Variants in EMC3 observed in about 807,000 individuals in gnomAD.
EMC3 encodes the protein 30 kDa protein.
Under a neutral mutation model 36.6 loss-of-function variants are expected in EMC3, and 13 were observed. The observed-to-expected ratio is 0.35, with a 90% CI of 0.23 to 0.56. The LOEUF (loss-of-function observed/expected upper bound fraction) is 0.56. Among genes scored for constraint, EMC3 ranks in the 20% least tolerant of loss-of-function variants. The pLI is 0.84. For synonymous variants in EMC3, 120 were observed against 111.9 expected (o/e 1.07, Z -0.46); for missense variants, 220 against 324.5 (o/e 0.68, Z 2.47).
At chr3:9,964,559 G>A (rs1402079412) in intron 7 of EMC3, among the ~76,000 whole-genome samples, 1 of 152,240 alleles carries the variant, frequency 6.6e-6, no homozygotes, top group African/African-American at 2.4e-5. Flanking sequence ...CAGTACTCTT[G>A]AGAGATGTAC....
chr3:9,969,472 A>C, intron 7 of EMC3: 2 of 1,383,818 alleles, frequency 1.4e-6, no homozygotes, highest in Non-Finnish European at 1.9e-6. Flanking sequence ...ATTATTTTAC[A>C]GCATCATTGA....
At chr3:9,980,916 C>T (rs2085904460) in intron 1 of EMC3, among the ~76,000 whole-genome samples, 1 of 152,166 alleles carries the variant, frequency 6.6e-6, no homozygotes, top group African/African-American at 2.4e-5. Flanking sequence ...TGTTCACAGC[C>T]AGGCGTGGTG....
Position 9,963,986 on chromosome 3 carries a change from T to C in EMC3, c.*83A>G. On this transcript the variant is annotated 3_prime_UTR_variant, in exon 8 of 8. Coordinates refer to ENST00000245046, the MANE Select transcript of EMC3 (RefSeq NM_001394674.1). ...GCCAGCTCGTGCATCCTCCTTTTTA[T>C]TTCAAGAGGTGCCAGCTCCAAACAA... The C allele has an allele frequency of 6.4e-7, 1 of 1,568,296 alleles. No homozygotes were observed. The highest frequency in any genetic ancestry group is 2.2e-5 in the East Asian group (1 of 44,484).
chr3:9,971,117 C>G (rs1030607065), intron 5 of EMC3, among the ~76,000 whole-genome samples: 4 of 152,012 alleles, frequency 2.6e-5, no homozygotes, highest in Admixed American at 1.3e-4. Context: ...GAGATGGGGT[C>G]TCACCATGTT....
At chr3:9,975,420 C>T (rs1489831235) in intron 3 of EMC3, among the ~76,000 whole-genome samples, 2 of 151,980 alleles carry the variant, frequency 1.3e-5, no homozygotes, top group South Asian at 2.1e-4. Context: ...TTGCCACTCC[C>T]GCCAATGGTG....
chr3:9,975,541 G>A (rs1422031015), intron 3 of EMC3, among the ~76,000 whole-genome samples: 19 of 151,536 alleles, frequency 1.3e-4, no homozygotes, highest in East Asian at 1.9e-4. Context: ...GGCCAGGCAC[G>A]GTGGCTCACA....
At chr3:10,011,012 G>C (rs909072307) in intron 1 of EMC3, 1 of 152,442 alleles carries the variant, frequency 6.6e-6, no homozygotes, top group South Asian at 2.1e-4. Flanking sequence ...GCTGCGGGGG[G>C]TGACCCTCAC....
chr3:9,977,928 T>C (rs989535386), intron 1 of EMC3, among the ~76,000 whole-genome samples: 3 of 151,966 alleles, frequency 2.0e-5, no homozygotes, highest in Non-Finnish European at 4.4e-5. Context: ...GTCAGACTGT[T>C]AGAAAGCTCT....
chr3:10,005,406 G>A (rs1177364979), intron 1 of EMC3, among the ~76,000 whole-genome samples: 2 of 152,032 alleles, frequency 1.3e-5, no homozygotes, highest in East Asian at 1.9e-4. Flanking sequence ...GCCCCAGAAC[G>A]CTCCCTGGGC....
rs555329779 is a variant in EMC3, at chr3:9,977,831, G to C, written c.156-385C>G. Among the ~76,000 whole-genome samples the C allele has an allele frequency of 1.8e-4, 27 of 152,214 alleles. No individual in the cohort carries two copies. In the South Asian group the frequency reaches 5.6e-3, roughly 32 times the overall value. ...GAAAGGGAGAAGAGTGAGGATAAAA[G>C]AAGGAATTTCTTATTACCTACAGAG... On this transcript the variant is annotated intron_variant, in intron 1 of 7. Coordinates refer to ENST00000245046, the MANE Select transcript of EMC3 (RefSeq NM_001394674.1).
intron 1 of EMC3, among the ~76,000 whole-genome samples, chr3:9,978,786 A>C (rs142958166): frequency 1.3e-5 from 2 of 151,982 alleles, no homozygotes; most frequent in African/African-American, 4.8e-5. Context: ...AGCCGAGACG[A>C]CGCCATTGCA....
intron 4 of EMC3, 29 bp downstream of exon 4, chr3:9,974,355 A>C (rs921336258): frequency 1.4e-6 from 2 of 1,473,520 alleles, no homozygotes; most frequent in African/African-American, 1.4e-5. Flanking sequence ...TCTCTGGGTA[A>C]CATGAAGTCG....
intron 1 of EMC3, among the ~76,000 whole-genome samples, chr3:10,000,285 C>T (rs1335934185): frequency 1.3e-5 from 2 of 152,096 alleles, no homozygotes; most frequent in Non-Finnish European, 1.5e-5. Context: ...AGTGAACCAC[C>T]CGCCTCGGCC....
chr3:9,989,632 G>GA (rs1559355623), upstream of EMC3, among the ~76,000 whole-genome samples: 1 of 152,060 alleles, frequency 6.6e-6, no homozygotes. Context: ...ATAAAGCAAT[G>GA]AAAAAAATGA....
At chr3:9,995,648 G>GTT (rs201414728) in intron 1 of EMC3, among the ~76,000 whole-genome samples, 4 of 151,602 alleles carry the variant, frequency 2.6e-5, no homozygotes, top group Admixed American at 2.0e-4. Flanking sequence ...GAAAGATTCT[G>GTT]TTTTTTGAGA....
chr3:9,964,153 TA>T lies in EMC3; in HGVS notation c.701del (p.Leu234GlnfsTer47). On this transcript the variant is annotated frameshift_variant, in exon 8 of 8. Transcript: ENST00000245046. LOFTEE classifies it high-confidence loss of function. ...ALELTDHQWALDDVEEELMAK... is the reference protein window; with the variant it reads ...ALELTDHQWAXDDVEEELMAK... ...CCATGAGCTCTTCTTCGACATCATCTAGTGCCCACTGGTGATCCGTCAGCTC... is the reference window on the plus strand; with the variant it reads ...CCATGAGCTCTTCTTCGACATCATCTGTGCCCACTGGTGATCCGTCAGCTC... 1 of 1,614,212 alleles carries T rather than the reference TA, an allele frequency of 6.2e-7. No individual in the cohort carries two copies. The highest frequency in any genetic ancestry group is 8.5e-7 in the Non-Finnish European group (1 of 1,180,038).
intron 1 of EMC3, chr3:10,004,436 C>G (rs1433560383): frequency 6.6e-6 from 1 of 152,262 alleles, no homozygotes; most frequent in Non-Finnish European, 1.5e-5. Context: ...GGCCACCTAC[C>G]TTGTTTTGGA....
chr3:9,979,241 G>A (rs564590115), intron 1 of EMC3, among the ~76,000 whole-genome samples: 5 of 152,332 alleles, frequency 3.3e-5, no homozygotes, highest in South Asian at 2.1e-4. Context: ...GACACTGAGA[G>A]TAAGGATTTA....
chr3:10,003,407 C>G, intron 1 of EMC3: 1 of 361,034 alleles, frequency 2.8e-6, no homozygotes, highest in Non-Finnish European at 5.5e-6. Context: ...CGGCTGAAGA[C>G]AAAAATCAAG....
Sources: gnomAD v4.1 joint callset for allele counts (sites outside exome capture counted in the v4.1 genomes callset) on GRCh38, gnomAD v4.1.1 for gene constraint, MANE v1.5 for transcripts, NCBI Gene and HGNC (gene_info 2026-07-23, HGNC 2026-07-21) for gene names.